Variants in SLC35F4 observed in about 807,000 individuals in gnomAD.
The protein encoded by SLC35F4 is chromosome 14 open reading frame 36.
In SLC35F4, 24 loss-of-function variants were observed where a neutral mutation model predicts 44.2. The observed-to-expected ratio is 0.54, with a 90% CI of 0.39 to 0.76. The LOEUF is 0.76. Ranked by LOEUF, SLC35F4 falls within the 30% of genes least tolerant of loss-of-function variation. The probability of loss-of-function intolerance (pLI) is 0.00; values close to 1 mark genes in which losing one functional copy is unlikely to be tolerated. For missense variants in SLC35F4, 562 were observed against 586.1 expected (o/e 0.96, Z 0.42); for synonymous variants, 238 against 223.6 (o/e 1.06, Z -0.57).
intron 1 of SLC35F4, among the ~76,000 whole-genome samples, chr14:57,977,726 A>G (rs1163487821): frequency 2.6e-5 from 4 of 152,176 alleles, no homozygotes; most frequent in African/African-American, 9.7e-5. Context: ...TGGAAGAGGA[A>G]GATTCTCAGG....
intron 1 of SLC35F4, among the ~76,000 whole-genome samples, chr14:57,707,304 C>G (rs1398305452): frequency 1.3e-5 from 2 of 152,044 alleles, no homozygotes; most frequent in African/African-American, 4.8e-5. Flanking sequence ...TCCCATAATC[C>G]CCACATATCA....
intron 1 of SLC35F4, among the ~76,000 whole-genome samples, chr14:57,707,975 C>T (rs780534641): frequency 2.6e-5 from 4 of 152,102 alleles, no homozygotes; most frequent in Non-Finnish European, 5.9e-5. Flanking sequence ...CCAAAAATAC[C>T]CCCTTATTTC....
At chr14:57,899,698 CCT>C (rs1888957507) in intron 1 of SLC35F4, among the ~76,000 whole-genome samples, 1 of 152,148 alleles carries the variant, frequency 6.6e-6, no homozygotes, top group South Asian at 2.1e-4. Context: ...GTTTCCTCTC[CCT>C]GTCTCTGGGC....
At chr14:57,896,471 C>A (rs1223577941) in intron 1 of SLC35F4, among the ~76,000 whole-genome samples, 2 of 152,100 alleles carry the variant, frequency 1.3e-5, no homozygotes, top group African/African-American at 4.8e-5. Context: ...TATGAGGAAA[C>A]CCTCTAGGAT....
intron 1 of SLC35F4, among the ~76,000 whole-genome samples, chr14:57,930,097 C>T (rs775788281): frequency 3.9e-5 from 6 of 152,178 alleles, no homozygotes; most frequent in Non-Finnish European, 8.8e-5. Flanking sequence ...GCAGAACATT[C>T]GCTTCTCAAC....
chr14:57,969,486 C>A (rs893209075), intron 1 of SLC35F4, among the ~76,000 whole-genome samples: 2 of 152,006 alleles, frequency 1.3e-5, no homozygotes, highest in African/African-American at 4.8e-5. Context: ...TTTAAGTGTA[C>A]CTACATTCCT....
chr14:57,917,579 A>C (rs1889353966), intron 1 of SLC35F4, among the ~76,000 whole-genome samples: 1 of 152,176 alleles, frequency 6.6e-6, no homozygotes, highest in Non-Finnish European at 1.5e-5. Flanking sequence ...CTGAGAAAAA[A>C]GAACAACAGT....
chr14:57,770,841 C>G (rs1051231927), intron 1 of SLC35F4, among the ~76,000 whole-genome samples: 1 of 152,246 alleles, frequency 6.6e-6, no homozygotes, highest in South Asian at 2.1e-4. Context: ...ATAGTACAAT[C>G]TTGGCTTTGC....
intron 1 of SLC35F4, among the ~76,000 whole-genome samples, chr14:57,624,460 C>G (rs1298056267): frequency 6.6e-6 from 1 of 152,112 alleles, no homozygotes; most frequent in Non-Finnish European, 1.5e-5. Context: ...TTTATGAGGC[C>G]AGTGTCATCC....
rs567306097 is a variant in SLC35F4 at position 57,817,148 on chromosome 14, C to T, written c.103+48575G>A. ...CAGATGACAGATGAATCACTAGTTTCTGCATTTGAACAGTATGGGGGAATG... is the reference window on the plus strand; with the variant it reads ...CAGATGACAGATGAATCACTAGTTTTTGCATTTGAACAGTATGGGGGAATG... On this transcript the variant is annotated intron_variant, in intron 1 of 7. Coordinates refer to ENST00000556826, the MANE Select transcript of SLC35F4 (RefSeq NM_001306087.2). 3.3e-5 allele frequency among the ~76,000 whole-genome samples: 5 copies of T among 152,270 alleles called. No homozygotes were observed. In the South Asian group the frequency reaches 1.0e-3, roughly 32 times the overall value.
intron 1 of SLC35F4, among the ~76,000 whole-genome samples, chr14:57,646,935 A>C (rs79837623): frequency 0.13 from 20,197 of 152,054 alleles, 1,580 homozygotes; most frequent in East Asian, 0.22. Context: ...AGCGGTTTTG[A>C]GTGAGTTTCT....
At position 57,960,794 on chromosome 14, in the gene SLC35F4, C is replaced by T. The variant is rs564126286; in HGVS notation, n.282+21119G>A. Among the ~76,000 whole-genome samples, 160 of 152,196 alleles carry T rather than the reference C, an allele frequency of 1.1e-3. 1 individual carries two copies. The South Asian group carries it at 0.031, about 30-fold the overall frequency. ...GGAGCCATTAGAGTGAGGACAGAGG[C>T]CAGTGGAAGAAGTTAGGCTGACTAC... On this transcript the variant is annotated intron_variant and non_coding_transcript_variant, in intron 1 of 1. Transcript: ENST00000556568.
chr14:57,637,268 G>C (rs1489220330), intron 1 of SLC35F4, among the ~76,000 whole-genome samples: 1 of 152,128 alleles, frequency 6.6e-6, no homozygotes. Context: ...GATGCTGGAT[G>C]CTGATGACAA....
At chr14:57,759,426 A>G (rs2077070513) in intron 1 of SLC35F4, among the ~76,000 whole-genome samples, 3 of 152,126 alleles carry the variant, frequency 2.0e-5, no homozygotes, top group South Asian at 4.1e-4. Context: ...CACAAAATAC[A>G]AAAATTAGCT....
Position 57,865,812 on chromosome 14 carries a change from G to C in SLC35F4, c.14C>G (p.Ala5Gly). The C allele has an allele frequency of 6.6e-7, 1 of 1,518,522 alleles. No homozygotes were observed. Among genetic ancestry groups the C allele is most frequent in the Admixed American group, 2.0e-5 (1 of 48,960 alleles). 94.1% of individuals were successfully genotyped at this position (1,518,522 alleles called of 1,614,324 possible). The change falls in exon 1 of 8, where the codon GCG becomes GGG. Residue 5 changes from alanine (A) to glycine (G), a missense_variant. By Grantham distance (60) the Ala-to-Gly change is moderately conservative. Transcript: ENST00000556826. MDVKAAPNGVATIED... is the reference protein window; with the variant it reads MDVKGAPNGVATIED... ...GATAGTGGCCACCCCGTTGGGGGCC[G>C]CCTTGACATCCATAGAGAGCGCGGG...
intron 1 of SLC35F4, among the ~76,000 whole-genome samples, chr14:57,939,264 A>T (rs1486348464): frequency 6.6e-6 from 1 of 152,208 alleles, no homozygotes; most frequent in Non-Finnish European, 1.5e-5. Context: ...GAAGGGCTCC[A>T]AAGCAAACAT....
intron 1 of SLC35F4, among the ~76,000 whole-genome samples, chr14:57,738,357 T>C (rs867463667): frequency 6.6e-6 from 1 of 152,032 alleles, no homozygotes; most frequent in African/African-American, 2.4e-5. Flanking sequence ...TCTAAGCGAG[T>C]GTACCTGACT....
chr14:57,693,468 T>C (rs1234856665), intron 1 of SLC35F4, among the ~76,000 whole-genome samples: 1 of 152,222 alleles, frequency 6.6e-6, no homozygotes, highest in African/African-American at 2.4e-5. Context: ...AAGGCATTCC[T>C]GAACCACAAA....
intron 1 of SLC35F4, among the ~76,000 whole-genome samples, chr14:57,618,871 T>C (rs997589290): frequency 6.6e-6 from 1 of 152,114 alleles, no homozygotes; most frequent in Non-Finnish European, 1.5e-5. Context: ...GCGTCCACCA[T>C]TGCTGAGGCT....
Sources: allele counts gnomAD v4.1 joint callset (sites outside exome capture counted in the v4.1 genomes callset), GRCh38; gene constraint gnomAD v4.1.1; transcripts MANE v1.5; gene names NCBI Gene and HGNC (gene_info 2026-07-23, HGNC 2026-07-21).